EZH2: variants seen among roughly 807,000 people sequenced by gnomAD.
EZH2 encodes the protein histone-lysine N-methyltransferase EZH2.
A neutral mutation model predicts 98.4 loss-of-function variants in EZH2; 18 were observed. The observed-to-expected ratio is 0.18, with a 90% CI of 0.13 to 0.27. The LOEUF is 0.27. EZH2 is among the 10% of genes least tolerant of loss of function. The probability of loss-of-function intolerance (pLI) is 1.00; values close to 1 mark genes in which losing one functional copy is unlikely to be tolerated. For synonymous variants in EZH2, 338 were observed against 312.3 expected, an observed-to-expected ratio of 1.08 and a Z score of -0.87; for missense variants, 470 against 935.1, an observed-to-expected ratio of 0.50 and a Z score of 6.49.
At chr7:148,819,124 A>AT in intron 9 of EZH2, 1 of 454,722 alleles carries the variant, frequency 2.2e-6, no homozygotes, top group South Asian at 1.6e-5. Context: ...TTTCTACCTC[A>AT]TATTTTCCTA....
Position 148,828,834 on chromosome 7 carries a change from G to A in EZH2, c.531C>T (p.Ala177=), listed in dbSNP as rs1808497396. Residue 177 remains alanine (A), a synonymous_variant, in exon 6 of 20, where the codon GCC becomes GCT. Transcript: ENST00000320356. ...CGTCATCATCATTATATTGACCAAGGGCATTCACCAACTCCACAAAAATTT... is the reference window on the plus strand; with the variant it reads ...CGTCATCATCATTATATTGACCAAGAGCATTCACCAACTCCACAAAAATTT... ...NDEIFVELVN[A]LGQYNDDDDD... The A allele has an allele frequency of 3.7e-6, 6 of 1,610,932 alleles. No individual in the cohort carries two copies. The highest frequency in any genetic ancestry group is 2.2e-5 in the South Asian group (2 of 90,570).
chr7:148,816,342 A>G (rs1012980045), intron 12 of EZH2, among the ~76,000 whole-genome samples: 9 of 152,242 alleles, frequency 5.9e-5, no homozygotes, highest in African/African-American at 2.2e-4. Context: ...ACTGGCCCAG[A>G]GCTCACATCA....
chr7:148,846,508 T>C lies in EZH2; in HGVS notation c.208A>G (p.Ile70Val). The C allele has an allele frequency of 6.2e-7, 1 of 1,613,954 alleles. No homozygotes were observed. The stretch of plus-strand genomic sequence containing the variant: ...CGCAATGAGCTCACAGAAGTCAGGA[T>C]GTGCACAGGCTGTATCCTTCGCTGT... ...WKQRRIQPVH[I>V]LTSVSSLRGT... Residue 70 changes from isoleucine to valine, a missense_variant, in exon 3 of 20, where the codon ATC becomes GTC. Coordinates refer to ENST00000320356, the MANE Select transcript of EZH2 (RefSeq NM_004456.5).
At chr7:148,822,281 G>A (rs540860208) in intron 8 of EZH2, among the ~76,000 whole-genome samples, 1 of 151,608 alleles carries the variant, frequency 6.6e-6, no homozygotes, top group South Asian at 2.1e-4. Flanking sequence ...AGGCTGAGGC[G>A]GGCAGATCAC....
At chr7:148,824,554 C>T (rs1014552776) in intron 8 of EZH2, among the ~76,000 whole-genome samples, 2 of 152,130 alleles carry the variant, frequency 1.3e-5, no homozygotes, top group South Asian at 2.1e-4. Context: ...GTGTGTCATG[C>T]GCTGTACCAT....
intron 8 of EZH2, among the ~76,000 whole-genome samples, chr7:148,822,507 C>CAA (rs779600590): frequency 1.3e-4 from 14 of 108,138 alleles, no homozygotes; most frequent in African/African-American, 3.5e-4. Context: ...AAGACTGTCT[C>CAA]AAAAAAAAAA....
intron 1 of EZH2, among the ~76,000 whole-genome samples, chr7:148,869,776 T>C (rs188179272): frequency 6.6e-4 from 100 of 152,362 alleles, no homozygotes; most frequent in African/African-American, 2.0e-3. Context: ...AGTTGTTCCA[T>C]TATTTATTCA....
chr7:148,828,403 T>C (rs998122998), intron 6 of EZH2, among the ~76,000 whole-genome samples: 5 of 152,086 alleles, frequency 3.3e-5, no homozygotes, highest in Non-Finnish European at 5.9e-5. Context: ...AGTGGCACAA[T>C]CACAGCTCAA....
intron 3 of EZH2, among the ~76,000 whole-genome samples, chr7:148,845,123 A>G (rs1563017446): frequency 1.3e-5 from 2 of 152,246 alleles, no homozygotes; most frequent in African/African-American, 4.8e-5. Context: ...GGTGGCAAAA[A>G]TAAGTTTTCC....
intron 3 of EZH2, among the ~76,000 whole-genome samples, chr7:148,846,167 T>C (rs1399875869): frequency 6.6e-6 from 1 of 152,206 alleles, no homozygotes; most frequent in African/African-American, 2.4e-5. Flanking sequence ...TTGCTCTAAA[T>C]AGTGATCTGA....
intron 3 of EZH2, among the ~76,000 whole-genome samples, chr7:148,841,180 CCTT>C (rs778907788): frequency 1.3e-5 from 2 of 150,902 alleles, no homozygotes; most frequent in South Asian, 2.1e-4. Flanking sequence ...TCACAAATGA[CCTT>C]TTTTTTTTAA....
chr7:148,872,334 G>A (rs1201896802), intron 1 of EZH2, among the ~76,000 whole-genome samples: 1 of 152,190 alleles, frequency 6.6e-6, no homozygotes, highest in Non-Finnish European at 1.5e-5. Flanking sequence ...AATTTGGGGG[G>A]AGGGGGAAGT....
chr7:148,866,098 G>A (rs990444684), intron 1 of EZH2, among the ~76,000 whole-genome samples: 2 of 152,090 alleles, frequency 1.3e-5, no homozygotes, highest in Non-Finnish European at 2.9e-5. Flanking sequence ...ACGAGGTACG[G>A]CAGTTATGAG....
At chr7:148,814,696 A>C (rs1804077533) in intron 14 of EZH2, among the ~76,000 whole-genome samples, 1 of 152,162 alleles carries the variant, frequency 6.6e-6, no homozygotes, top group South Asian at 2.1e-4. Flanking sequence ...CTTTAATACA[A>C]CTTTGCCTGC....
chr7:148,814,972 C>T lies in EZH2; in HGVS notation c.1614G>A (p.Ser538=), dbSNP rs779840919. ...AATTTTGTGCTATCACACAAGGGCA[C>T]GAACTGTCACAAGGCTGCCGTGGAT... The part of the protein sequence containing the change: ...CDHPRQPCDS[S]CPCVIAQNFC... The change falls in exon 14 of 20, where the codon TCG becomes TCA. Residue 538 remains serine, a synonymous_variant. Transcript: ENST00000320356. 9 of 1,613,700 alleles carry T rather than the reference C, an allele frequency of 5.6e-6. No individual in the cohort carries two copies. Among genetic ancestry groups the T allele is most frequent in the Admixed American group, 1.7e-5 (1 of 60,010 alleles).
At chr7:148,882,116 A>AGCATATGAAAAG (rs1821092662) in intron 1 of EZH2, among the ~76,000 whole-genome samples, 1 of 152,130 alleles carries the variant, frequency 6.6e-6, no homozygotes, top group Non-Finnish European at 1.5e-5. Flanking sequence ...AACTAATATA[A>AGCATATGAAAAG]ACGTTACTTT....
At chr7:148,827,372 G>C in intron 6 of EZH2, 106 bp from the exon 7 acceptor site, 1 of 767,674 alleles carries the variant, frequency 1.3e-6, no homozygotes, top group African/African-American at 1.7e-5. Flanking sequence ...GATTTTCTAA[G>C]AAATCATCTC....
At position 148,821,856 on chromosome 7, in the gene EZH2, C is replaced by A. The variant is rs186741525; in HGVS notation, c.908-2169G>T. Among the ~76,000 whole-genome samples the A allele has an allele frequency of 1.4e-3, 202 of 148,890 alleles. 3 individuals carry two copies. In the South Asian group the frequency reaches 0.018, roughly 13 times the overall value. On this transcript the variant is annotated intron_variant, in intron 8 of 19. Transcript: ENST00000320356. ...TATGTATGTGTGTATGTATATATAT[C>A]TCTCTCTCTAAATAAATAAATTTAT...
intron 1 of EZH2, among the ~76,000 whole-genome samples, chr7:148,855,709 C>G (rs553904434): frequency 6.6e-6 from 1 of 151,910 alleles, no homozygotes; most frequent in South Asian, 2.1e-4. Flanking sequence ...ACCAGCCTGC[C>G]CAACATGGTG....
Sources: allele counts gnomAD v4.1 joint callset (sites outside exome capture counted in the v4.1 genomes callset), GRCh38; gene constraint gnomAD v4.1.1; transcripts MANE v1.5; gene names NCBI Gene and HGNC (gene_info 2026-07-23, HGNC 2026-07-21).